Variants in TRMT11 observed in about 807,000 individuals in gnomAD.
The protein encoded by TRMT11 is tRNA (guanine(10)-N(2))-methyltransferase TRMT11.
A neutral mutation model predicts 62.8 loss-of-function variants in TRMT11; 53 were observed. That is an observed-to-expected ratio of 0.84 (90% CI 0.68 to 1.06). The LOEUF is 1.06. Among genes scored for constraint, TRMT11 ranks in the 50% least tolerant of loss-of-function variants. The probability of loss-of-function intolerance (pLI) is 0.00; values close to 1 mark genes in which losing one functional copy is unlikely to be tolerated. For missense variants in TRMT11, 556 were observed against 553.4 expected (o/e 1.00, Z -0.05); for synonymous variants, 188 against 190.3 (o/e 0.99, Z 0.10).
At chr6:126,177,173 C>G (rs957806969), upstream of TRMT11, 1 of 152,118 alleles carries the variant, frequency 6.6e-6, no homozygotes, top group African/African-American at 2.4e-5. Context: ...ACCATTGGCT[C>G]TCTGATTTCT....
rs150460733 is a variant in TRMT11, at chr6:126,138,504, A to G, written c.*1823+22649A>G. ...ACATTGCATATAGATAATATTAATC[A>G]TTTGAAGCACACACTGTGGCTATAC... On this transcript the variant is annotated intron_variant and NMD_transcript_variant, in intron 21 of 22. Transcript: ENST00000648977. Among the ~76,000 whole-genome samples, 986 of 152,112 alleles carry G rather than the reference A, an allele frequency of 6.5e-3. 2 individuals are homozygous for G. Among genetic ancestry groups the G allele is most frequent in the Non-Finnish European group, 0.011 (714 of 67,908 alleles).
intron 21 of TRMT11, among the ~76,000 whole-genome samples, chr6:126,162,954 T>A (rs1402161575): frequency 2.0e-5 from 3 of 152,196 alleles, no homozygotes; most frequent in Non-Finnish European, 2.9e-5. Context: ...TAAGGAGATT[T>A]TGGGCTGAGA....
At chr6:125,987,381 GTTCATTATTAC>G (rs1381274292) in intron 1 of TRMT11, among the ~76,000 whole-genome samples, 10 of 152,150 alleles carry the variant, frequency 6.6e-5, no homozygotes, top group Non-Finnish European at 1.3e-4. Flanking sequence ...ATTACAAGGT[GTTCATTATTAC>G]TGGATCACTA....
intron 9 of TRMT11, among the ~76,000 whole-genome samples, chr6:126,011,983 G>A (rs2128821383): frequency 6.6e-6 from 1 of 152,270 alleles, no homozygotes; most frequent in South Asian, 2.1e-4. Flanking sequence ...TGCCTCATGA[G>A]GTCGTGAGTT....
chr6:125,993,272 T>G (rs1790923401), intron 1 of TRMT11, among the ~76,000 whole-genome samples: 1 of 152,252 alleles, frequency 6.6e-6, no homozygotes, highest in Non-Finnish European at 1.5e-5. Context: ...TGAATGATGC[T>G]TTTAAAGTAT....
intron 21 of TRMT11, among the ~76,000 whole-genome samples, chr6:126,151,806 T>TTGTCTTTCTTTCTTTC (rs1554242197): frequency 1.2e-5 from 1 of 86,880 alleles, no homozygotes; most frequent in South Asian, 4.9e-4. Flanking sequence ...CCTCTCTGTC[T>TTGTCTTTCTTTCTTTC]TTTCTTTCTT....
At chr6:126,058,122 C>T (rs945295451) in intron 17 of TRMT11, among the ~76,000 whole-genome samples, 5 of 152,150 alleles carry the variant, frequency 3.3e-5, no homozygotes, top group Admixed American at 2.0e-4. Flanking sequence ...CACCTCCCGA[C>T]AGGCCCCAGT....
At chr6:126,210,977 TC>T in the TRMT11 span, among the ~76,000 whole-genome samples, 2 of 108,280 alleles carry the variant, frequency 1.8e-5, no homozygotes, top group African/African-American at 4.2e-5. Context: ...AAGATAACAT[TC>T]CCTTTTTTTT....
At chr6:126,175,966 C>A (rs1778380747), upstream of TRMT11, among the ~76,000 whole-genome samples, 1 of 152,180 alleles carries the variant, frequency 6.6e-6, no homozygotes, top group Non-Finnish European at 1.5e-5. Flanking sequence ...CCTCTCTCCA[C>A]CCCTTATCCC....
At chr6:126,247,343 G>A in the TRMT11 span, among the ~76,000 whole-genome samples, 2,160 of 151,266 alleles carry the variant, frequency 0.014, 30 homozygotes, top group Non-Finnish European at 0.023. Flanking sequence ...ACACATGCAC[G>A]CACACACGCA....
intron 1 of TRMT11, among the ~76,000 whole-genome samples, chr6:126,183,615 C>A (rs1277579913): frequency 6.6e-6 from 1 of 151,956 alleles, no homozygotes; most frequent in Non-Finnish European, 1.5e-5. Context: ...TATTGCTGTG[C>A]GTGTAAGCAA....
At chr6:126,168,563 G>C (rs189883754) in intron 21 of TRMT11, among the ~76,000 whole-genome samples, 2 of 152,220 alleles carry the variant, frequency 1.3e-5, no homozygotes, top group Admixed American at 1.3e-4. Flanking sequence ...CTGTCACCCA[G>C]GCTGGAGTGC....
intron 12 of TRMT11, 135 bp from the exon 13 acceptor site, chr6:126,038,570 T>A: frequency 1.5e-6 from 1 of 646,164 alleles, no homozygotes; most frequent in Non-Finnish European, 2.5e-6. Flanking sequence ...ATATTTCTAA[T>A]TCAAGTAGTG....
chr6:126,231,431 G>A, the TRMT11 span, among the ~76,000 whole-genome samples: 15 of 152,210 alleles, frequency 9.9e-5, no homozygotes, highest in African/African-American at 2.4e-4. Flanking sequence ...AAGTTATGTC[G>A]TAAATGCATA....
At position 126,038,925 on chromosome 6, in the gene TRMT11, G is replaced by T; in HGVS notation, c.*89G>T. On this transcript the variant is annotated 3_prime_UTR_variant, in exon 13 of 13. Transcript: ENST00000334379. ...ACTTTCATGTATGATCCAGAAAATA[G>T]GTACGGTTTTAAAATATTTTATATA... 1 of 1,075,346 alleles carries T rather than the reference G, an allele frequency of 9.3e-7. No individual in the cohort carries two copies. Among genetic ancestry groups the T allele is most frequent in the Admixed American group, 2.9e-5 (1 of 34,886 alleles). The allele number at this position is 1,075,346 out of a possible 1,614,324, so 66.6% of individuals were successfully genotyped here.
chr6:126,174,154 C>T (rs1353030787), upstream of TRMT11, among the ~76,000 whole-genome samples: 1 of 152,312 alleles, frequency 6.6e-6, no homozygotes, highest in East Asian at 1.9e-4. Flanking sequence ...GCCCACTCCT[C>T]ATAGGCTATC....
chr6:126,169,591 T>C (rs1243712282), intron 21 of TRMT11, among the ~76,000 whole-genome samples: 1 of 152,200 alleles, frequency 6.6e-6, no homozygotes, highest in Non-Finnish European at 1.5e-5. Context: ...AAAGCCTGTC[T>C]CTCATGCTGT....
At chr6:126,008,216 G>A (rs1446368251) in intron 7 of TRMT11, among the ~76,000 whole-genome samples, 176 bp from the exon 8 acceptor site, 1 of 152,012 alleles carries the variant, frequency 6.6e-6, no homozygotes, top group Non-Finnish European at 1.5e-5. Flanking sequence ...CCAGTTTAGT[G>A]ACTATAGCTT....
At chr6:126,125,161 A>C (rs747005009) in intron 21 of TRMT11, among the ~76,000 whole-genome samples, 38 of 152,048 alleles carry the variant, frequency 2.5e-4, no homozygotes, top group Non-Finnish European at 5.4e-4. Flanking sequence ...GTCTATGCTC[A>C]GACACTTTCC....
Sources: allele counts gnomAD v4.1 joint callset (sites outside exome capture counted in the v4.1 genomes callset), GRCh38; gene constraint gnomAD v4.1.1; transcripts MANE v1.5; gene names NCBI Gene and HGNC (gene_info 2026-07-23, HGNC 2026-07-21).